Variants in NAXE observed in about 807,000 individuals in gnomAD.
NAXE encodes NAD(P)HX epimerase, also known as NAD(P)H-hydrate epimerase.
NAXE carries 25 observed loss-of-function variants against 31.2 expected under a neutral mutation model. The ratio of observed to expected loss-of-function variants is 0.80; its 90% CI spans 0.58 to 1.12. The LOEUF (loss-of-function observed/expected upper bound fraction) is 1.12, where lower values mean the gene tolerates loss of function less well. Among genes scored for constraint, NAXE ranks in the 50% most tolerant of loss-of-function variants. NAXE has a pLI of 0.00. For synonymous variants in NAXE, 144 were observed against 154.5 expected (o/e 0.93, Z 0.50); for missense variants, 362 against 376.1 (o/e 0.96, Z 0.31).
chr1:156,593,279 G>C, intron 4 of NAXE, 129 bp from the exon 5 acceptor site: 6 of 1,233,866 alleles, frequency 4.9e-6, no homozygotes, highest in Middle Eastern at 2.9e-4. Context: ...TAGGCCTCAG[G>C]CTGCCCTCTG....
rs770249851 is a variant in NAXE, at chr1:156,591,781, G to GGGCCGGGCCC, written c.-22_-21insCCGGGCCCGG. ...ACATGCGCCGGGGCCGGGCCGGGCC[G>GGGCCGGGCCC]GGGGCGCGCGCTCTGCGAGCTGGAT... On this transcript the variant is annotated 5_prime_UTR_variant, in exon 1 of 6. Coordinates refer to ENST00000368235, the MANE Select transcript of NAXE (RefSeq NM_144772.3). 6 of 1,491,118 alleles carry GGGCCGGGCCC rather than the reference G, an allele frequency of 4.0e-6. No homozygotes were observed. The highest frequency in any genetic ancestry group is 2.3e-4 in the Middle Eastern group (1 of 4,268). The allele number at this position is 1,491,118 out of a possible 1,614,324, so 92.4% of individuals were successfully genotyped here.
chr1:156,592,125 C>T lies in NAXE; in HGVS notation c.207C>T (p.Asp69=). Residue 69 remains aspartate (D), a synonymous_variant, in exon 2 of 6, where the codon GAC becomes GAT. Coordinates refer to ENST00000368235, the MANE Select transcript of NAXE (RefSeq NM_144772.3). ...YLSQEEAQAV[D]QELFNEYQFS... Reference sequence around the variant, plus strand: ...GCCAGGAGGAGGCCCAGGCCGTGGACCAGGAGCTATTTAACGAATACCAGT... The same window carrying T: ...GCCAGGAGGAGGCCCAGGCCGTGGATCAGGAGCTATTTAACGAATACCAGT... 2 of 1,614,226 alleles carry T rather than the reference C, an allele frequency of 1.2e-6. No homozygotes were observed. The highest frequency in any genetic ancestry group is 1.7e-6 in the Non-Finnish European group (2 of 1,180,038).
At chr1:156,593,342 G>GC in intron 4 of NAXE, 66 bp from the exon 5 acceptor site, 1 of 1,566,736 alleles carries the variant, frequency 6.4e-7, no homozygotes, top group Non-Finnish European at 8.7e-7. Context: ...GCAGAGGACA[G>GC]CCCTCTCCAG....
chr1:156,592,267 C>A, intron 2 of NAXE, 58 bp downstream of exon 2: 1 of 1,606,732 alleles, frequency 6.2e-7, no homozygotes, highest in Admixed American at 1.7e-5. Flanking sequence ...CTGTCCCAGC[C>A]CCCTGGCCTA....
chr1:156,591,799 A>G lies in NAXE; in HGVS notation c.-6A>G, dbSNP rs1163560075. On this transcript the variant is annotated 5_prime_UTR_variant, in exon 1 of 6. Transcript: ENST00000368235. ...CCGGGCCGGGGGCGCGCGCTCTGCG[A>G]GCTGGATGTCCAGGCTGCGGGCGCT... is the stretch of plus-strand genomic sequence containing the variant. 6.4e-7 allele frequency: 1 copy of G among 1,561,186 alleles called. No homozygotes were observed. The highest frequency in any genetic ancestry group is 1.8e-5 in the Admixed American group (1 of 56,062).
rs150009216 is a variant in NAXE, at chr1:156,593,841, C to T, written c.665-41C>T. The T allele has an allele frequency of 3.4e-4, 545 of 1,595,662 alleles. 7 individuals are homozygous for T. The South Asian group carries it at 5.5e-3, about 16-fold the overall frequency. The stretch of plus-strand genomic sequence containing the variant: ...GGGTAAACTAAGGTGTAGAAGGGGA[C>T]GAGACATCTGGCCTCTTCCTGAACA... On this transcript the variant is annotated intron_variant, in intron 5 of 5. Transcript: ENST00000368235.
At chr1:156,592,340 G>C in intron 2 of NAXE, 25 bp from the exon 3 acceptor site, 13 of 1,611,988 alleles carry the variant, frequency 8.1e-6, no homozygotes, top group Non-Finnish European at 1.0e-5. Context: ...AAACCCCGCC[G>C]AACCACCCTT....
At chr1:156,593,798 C>A in intron 5 of NAXE, 84 bp from the exon 6 acceptor site, 1 of 1,492,236 alleles carries the variant, frequency 6.7e-7, no homozygotes, top group East Asian at 2.3e-5. Context: ...GAGGGGACTT[C>A]CCACTCCTCT....
At chr1:156,592,796 C>A in intron 4 of NAXE, 126 bp downstream of exon 4, 1 of 836,900 alleles carries the variant, frequency 1.2e-6, no homozygotes, top group Non-Finnish European at 1.9e-6. Context: ...GGATGGTATT[C>A]GAATAAGTGT....
In NAXE at chr1:156,592,634, A is replaced by C; in HGVS notation, c.480A>C (p.Lys160Asn). ...CTGCATTGGTGACCCAGTGTCAGAA[A>C]ATGGACATCCCTTTCCTTGGGGAAA... ...LFTALVTQCQ[K>N]MDIPFLGEMP... is the part of the protein sequence containing the mutation. Residue 160 changes from lysine to asparagine, a missense_variant, in exon 4 of 6, where the codon AAA (lysine) becomes AAC (asparagine). Lys to Asn is a moderately conservative substitution (Grantham distance 94, BLOSUM62 0). Coordinates refer to ENST00000368235, the MANE Select transcript of NAXE (RefSeq NM_144772.3). The C allele has an allele frequency of 4.3e-6, 7 of 1,614,146 alleles. No homozygotes were observed. The highest frequency in any genetic ancestry group is 5.9e-6 in the Non-Finnish European group (7 of 1,180,018).
intron 5 of NAXE, 114 bp from the exon 6 acceptor site, chr1:156,593,768 G>A: frequency 7.3e-7 from 1 of 1,361,378 alleles, no homozygotes; most frequent in East Asian, 2.3e-5. Context: ...CGTTGGACGA[G>A]AGTTCCTCAG....
rs775637983 is a variant in NAXE, at chr1:156,591,893, G to A, written c.89G>A (p.Arg30His). Residue 30 changes from arginine to histidine, a missense_variant, in exon 1 of 6, where the codon CGC becomes CAC. Coordinates refer to ENST00000368235, the MANE Select transcript of NAXE (RefSeq NM_144772.3). ...PRIKSQTIAC[R>H]SGPTWWGPQR... ...ATCAAAAGCCAGACCATCGCCTGTC[G>A]CTCGGGACCCACCTGGTGGGGACCG... is the stretch of plus-strand genomic sequence containing the variant. 4.5e-5 allele frequency: 73 copies of A among 1,612,412 alleles called. No homozygotes were observed. The highest frequency in any genetic ancestry group is 5.6e-5 in the Non-Finnish European group (66 of 1,179,730).
chr1:156,592,216 G>A lies in NAXE; in HGVS notation c.291+7G>A, dbSNP rs1925949. The A allele has an allele frequency of 0.96, 1,554,268 of 1,613,866 alleles. 749,112 individuals carry two copies. The highest frequency in any genetic ancestry group is 0.98 in the East Asian group (43,892 of 44,858). ...TGCTACAGCCATCGCCAAGGTCAGT[G>A]GCACAACTCTCGACCTTTGGGAGCA... On this transcript the variant is annotated splice_region_variant and intron_variant, in intron 2 of 5. Coordinates refer to ENST00000368235, the MANE Select transcript of NAXE (RefSeq NM_144772.3).
chr1:156,594,167 CAATAA>C lies in NAXE; in HGVS notation c.*86_*90del, dbSNP rs1411307421. 5 of 1,438,576 alleles carry C rather than the reference CAATAA, an allele frequency of 3.5e-6. No individual in the cohort carries two copies. The African/African-American group carries it at 7.0e-5, about 20-fold the overall frequency. 89.1% of individuals were successfully genotyped at this position (1,438,576 alleles called of 1,614,324 possible). A position where few individuals can be genotyped will look rare whatever the true frequency, so the allele number is the denominator to read the frequency against. Reference sequence around the variant, plus strand: ...TGTGGATTCCTGGGAGCTCCTCTGGCAATAAAAGTCAGTGAATGGTGGAAGTCAGA... The same window carrying C: ...TGTGGATTCCTGGGAGCTCCTCTGGCAAGTCAGTGAATGGTGGAAGTCAGA... On this transcript the variant is annotated 3_prime_UTR_variant, in exon 6 of 6. Coordinates refer to ENST00000368235, the MANE Select transcript of NAXE (RefSeq NM_144772.3).
In NAXE at chr1:156,593,189, T is replaced by C. The variant is rs942961; in HGVS notation, c.517-219T>C. On this transcript the variant is annotated intron_variant, in intron 4 of 5. Coordinates refer to ENST00000368235, the MANE Select transcript of NAXE (RefSeq NM_144772.3). The stretch of plus-strand genomic sequence containing the variant: ...TCTCAGCCTGTAGCCTCCCCAGTGG[T>C]GGGCAGGCAGGCAGGCACCGAGAAC... 0.96 allele frequency: 518,832 copies of C among 543,120 alleles called. 248,179 individuals carry two copies. Among genetic ancestry groups the C allele is most frequent in the East Asian group, 0.98 (29,990 of 30,644 alleles). 33.6% of individuals were successfully genotyped at this position (543,120 alleles called of 1,614,324 possible).
Position 156,592,347 on chromosome 1 carries a change from C to T in NAXE, c.292-18C>T. The T allele has an allele frequency of 6.2e-7, 1 of 1,612,924 alleles. No individual in the cohort carries two copies. Among genetic ancestry groups the T allele is most frequent in the East Asian group, 2.2e-5 (1 of 44,870 alleles). On this transcript the variant is annotated intron_variant, in intron 2 of 5. Coordinates refer to ENST00000368235, the MANE Select transcript of NAXE (RefSeq NM_144772.3). ...ACCGCCTGAAACCCCGCCGAACCAC[C>T]CTTGACTCTGCCTTCAGGCATATCC... is the stretch of plus-strand genomic sequence containing the variant.
chr1:156,593,229 C>T (rs769563601), intron 4 of NAXE, 179 bp from the exon 5 acceptor site: 1 of 732,694 alleles, frequency 1.4e-6, no homozygotes, highest in Non-Finnish European at 2.0e-6. Flanking sequence ...ACTGTCTGGT[C>T]TCAATTTGGC....
chr1:156,593,188 G>GC, intron 4 of NAXE: 1 of 536,898 alleles, frequency 1.9e-6, no homozygotes, highest in Non-Finnish European at 3.2e-6. Flanking sequence ...CTCCCCAGTG[G>GC]TGGGCAGGCA....
rs573430232 is a variant in NAXE at position 156,592,638 on chromosome 1, G to C, written c.484G>C (p.Asp162His). 83 of 1,614,008 alleles carry C rather than the reference G, an allele frequency of 5.1e-5. 1 individual carries two copies. The highest frequency in any genetic ancestry group is 5.7e-5 in the Non-Finnish European group (67 of 1,180,018). Residue 162 changes from aspartate to histidine, a missense_variant, in exon 4 of 6, where the codon GAC becomes CAC. Asp to His is a moderately conservative substitution (Grantham distance 81, BLOSUM62 -1). Transcript: ENST00000368235. ...ATTGGTGACCCAGTGTCAGAAAATG[G>C]ACATCCCTTTCCTTGGGGAAATGCC... ...TALVTQCQKM[D>H]IPFLGEMPAE...
Sources: gnomAD v4.1 joint callset for allele counts on GRCh38, gnomAD v4.1.1 for gene constraint, MANE v1.5 for transcripts, NCBI Gene and HGNC (gene_info 2026-07-23, HGNC 2026-07-21) for gene names.